Variants in DAAM1 observed in about 807,000 individuals in gnomAD.
The protein encoded by DAAM1 is disheveled-associated activator of morphogenesis 1.
DAAM1 carries 52 observed loss-of-function variants against 130.0 expected under a neutral mutation model. The observed-to-expected ratio is 0.40, with a 90% CI of 0.32 to 0.50. The LOEUF is 0.50. DAAM1 is among the 20% of genes least tolerant of loss of function. DAAM1 has a pLI of 0.61. For synonymous variants in DAAM1, 452 were observed against 444.5 expected, an observed-to-expected ratio of 1.02 and a Z score of -0.21; for missense variants, 1,134 against 1,303.8, an observed-to-expected ratio of 0.87 and a Z score of 2.01.
chr14:59,315,977 T>C lies in DAAM1; in HGVS notation c.345+626T>C, dbSNP rs144210737. Among the ~76,000 whole-genome samples, 144 of 152,338 alleles carry C rather than the reference T, an allele frequency of 9.5e-4. 1 individual carries two copies. The highest frequency in any genetic ancestry group is 3.0e-3 in the African/African-American group (126 of 41,586). The stretch of plus-strand genomic sequence containing the variant: ...TCAATGCCTAAAATATGAATTCTAA[T>C]CACATGGATGTCTGTGATGTCAGCA... On this transcript the variant is annotated intron_variant, in intron 4 of 24. Coordinates refer to ENST00000360909, the MANE Select transcript of DAAM1 (RefSeq NM_001270520.2).
chr14:59,325,925 G>C, intron 9 of DAAM1, 35 bp from the exon 10 acceptor site: 1 of 1,596,402 alleles, frequency 6.3e-7, no homozygotes, highest in Non-Finnish European at 8.6e-7. Context: ...GAGGAACTTA[G>C]ATGTTTGATT....
At chr14:59,331,563 GTTATCACTGAA>G in intron 14 of DAAM1, 55 bp downstream of exon 14, 1 of 1,522,408 alleles carries the variant, frequency 6.6e-7, no homozygotes, top group Non-Finnish European at 8.8e-7. Flanking sequence ...AGCTCATTGT[GTTATCACTGAA>G]AGGGAAAACA....
intron 2 of DAAM1, among the ~76,000 whole-genome samples, chr14:59,274,810 T>C (rs554895087): frequency 2.6e-4 from 39 of 152,348 alleles, no homozygotes; most frequent in African/African-American, 8.9e-4. Flanking sequence ...CCTGTTTTAC[T>C]CTTTCTTCTC....
At chr14:59,329,836 TTCTACTGACCCCAC>T (rs1311532326) in intron 12 of DAAM1, among the ~76,000 whole-genome samples, 2 of 152,232 alleles carry the variant, frequency 1.3e-5, no homozygotes, top group African/African-American at 4.8e-5. Context: ...GATTTTCGCG[TTCTACTGACCCCAC>T]TCCCCTTAAG....
At chr14:59,210,653 G>T (rs1888400015) in intron 1 of DAAM1, among the ~76,000 whole-genome samples, 1 of 152,146 alleles carries the variant, frequency 6.6e-6, no homozygotes, top group East Asian at 1.9e-4. Flanking sequence ...GAAACCTCAG[G>T]CTAGCTTCTG....
chr14:59,338,898 C>T (rs927617895), intron 15 of DAAM1, among the ~76,000 whole-genome samples: 2 of 152,108 alleles, frequency 1.3e-5, no homozygotes, highest in Non-Finnish European at 2.9e-5. Flanking sequence ...GCTTGATATG[C>T]TTAGTGTCTG....
chr14:59,194,594 C>G (rs1887827345), intron 1 of DAAM1, among the ~76,000 whole-genome samples: 1 of 152,220 alleles, frequency 6.6e-6, no homozygotes, highest in African/African-American at 2.4e-5. Flanking sequence ...CCCATAATTT[C>G]TCAGCCTCCC....
chr14:59,249,304 G>A (rs563707065), intron 1 of DAAM1, among the ~76,000 whole-genome samples: 15 of 152,334 alleles, frequency 9.8e-5, no homozygotes, highest in African/African-American at 3.6e-4. Flanking sequence ...TGTCCTGGGA[G>A]CCCTGTGTAC....
intron 13 of DAAM1, 138 bp downstream of exon 13, chr14:59,330,826 C>G: frequency 2.2e-6 from 2 of 891,768 alleles, no homozygotes; most frequent in Non-Finnish European, 3.3e-6. Flanking sequence ...AGGAGACTCA[C>G]TCCCTCTGCT....
At chr14:59,253,850 ATCT>A (rs1436640161) in intron 1 of DAAM1, among the ~76,000 whole-genome samples, 2 of 152,224 alleles carry the variant, frequency 1.3e-5, no homozygotes, top group African/African-American at 4.8e-5. Context: ...TACCTCCAGT[ATCT>A]TCTTTAATCC....
intron 3 of DAAM1, among the ~76,000 whole-genome samples, chr14:59,308,913 A>G (rs571383610): frequency 1.3e-5 from 2 of 152,280 alleles, no homozygotes; most frequent in East Asian, 1.9e-4. Context: ...TGTGGGCCCA[A>G]CCGGATTTTG....
intron 4 of DAAM1, among the ~76,000 whole-genome samples, chr14:59,316,570 C>A (rs1884804446): frequency 6.6e-6 from 1 of 152,122 alleles, no homozygotes. Flanking sequence ...AAATAACCAC[C>A]AAATCCTTCT....
intron 2 of DAAM1, among the ~76,000 whole-genome samples, chr14:59,288,416 C>T (rs1883558958): frequency 6.6e-6 from 1 of 152,124 alleles, no homozygotes; most frequent in African/African-American, 2.4e-5. Flanking sequence ...CAAAAATTGA[C>T]AAGTGGGACC....
At chr14:59,307,085 G>A (rs899622872) in intron 3 of DAAM1, among the ~76,000 whole-genome samples, 1 of 152,214 alleles carries the variant, frequency 6.6e-6, no homozygotes, top group Non-Finnish European at 1.5e-5. Context: ...TGCATCTTTT[G>A]TTTTGCTAAG....
At chr14:59,340,207 C>A (rs1250372919) in intron 16 of DAAM1, 27 bp downstream of exon 16, 2 of 1,595,812 alleles carry the variant, frequency 1.3e-6, no homozygotes, top group Admixed American at 1.7e-5. Flanking sequence ...ATAAACATTT[C>A]TAGTAGGACC....
At chr14:59,327,402 CTTTTTT>C (rs386381493) in intron 12 of DAAM1, among the ~76,000 whole-genome samples, 13 of 58,988 alleles carry the variant, frequency 2.2e-4, no homozygotes, top group South Asian at 1.9e-3. Context: ...CACTTGGTTT[CTTTTTT>C]TTTTTTTTTT....
chr14:59,361,828 G>T (rs1464126154), intron 22 of DAAM1, among the ~76,000 whole-genome samples: 1 of 152,174 alleles, frequency 6.6e-6, no homozygotes, highest in Non-Finnish European at 1.5e-5. Flanking sequence ...GCTTGGAAAG[G>T]TGCCTCTCAT....
intron 15 of DAAM1, among the ~76,000 whole-genome samples, chr14:59,336,508 A>G (rs1322193776): frequency 6.6e-6 from 1 of 152,224 alleles, no homozygotes; most frequent in Non-Finnish European, 1.5e-5. Flanking sequence ...ATTATTTCTA[A>G]CATGCCCCTT....
intron 6 of DAAM1, among the ~76,000 whole-genome samples, 184 bp from the exon 7 acceptor site, chr14:59,323,944 A>ATGGCGTGAACCCGGGAGGTGGAGGT (rs1436366734): frequency 3.3e-5 from 5 of 152,028 alleles, no homozygotes; most frequent in Non-Finnish European, 7.4e-5. Context: ...AGGCAAGAGA[A>ATGGCGTGAACCCGGGAGGTGGAGGT]TGGCGTGAAC....
Sources: allele counts gnomAD v4.1 joint callset (sites outside exome capture counted in the v4.1 genomes callset), GRCh38; gene constraint gnomAD v4.1.1; transcripts MANE v1.5; gene names NCBI Gene and HGNC (gene_info 2026-07-23, HGNC 2026-07-21).